ATG10: variants seen among roughly 807,000 people sequenced by gnomAD.
ATG10 encodes autophagy related 10.
ATG10 carries 30 observed loss-of-function variants against 32.1 expected under a neutral mutation model. The observed-to-expected ratio is 0.94, with a 90% CI of 0.70 to 1.27. The LOEUF is 1.27. Ranked by LOEUF, ATG10 falls within the 50% of genes most tolerant of loss-of-function variation. The pLI, the probability that ATG10 is intolerant of heterozygous loss-of-function variation, is 0.00. For synonymous variants in ATG10, 87 were observed against 91.5 expected, an observed-to-expected ratio of 0.95 and a Z score of 0.28; for missense variants, 233 against 262.3, an observed-to-expected ratio of 0.89 and a Z score of 0.77.
chr5:82,112,443 A>G (rs1765650030), intron 3 of ATG10, among the ~76,000 whole-genome samples: 1 of 151,796 alleles, frequency 6.6e-6, no homozygotes, highest in Non-Finnish European at 1.5e-5. Flanking sequence ...ATTCTGATTA[A>G]TGCATTTTAT....
Position 82,027,904 on chromosome 5 carries a change from C to A in ATG10, c.109-30591C>A, listed in dbSNP as rs111784574. Among the ~76,000 whole-genome samples, 1,390 of 152,248 alleles carry A rather than the reference C, an allele frequency of 9.1e-3. 4 individuals carry two copies. The highest frequency in any genetic ancestry group is 0.016 in the East Asian group (81 of 5,186). On this transcript the variant is annotated intron_variant, in intron 2 of 7. Transcript: ENST00000282185. The stretch of plus-strand genomic sequence containing the variant: ...AGGTGCCAAGCAAACTGCACTGGCA[C>A]CTCACTACAAAAACTCAGCAGGAAA...
intron 2 of ATG10, among the ~76,000 whole-genome samples, chr5:82,045,460 C>T (rs1445013797): frequency 6.6e-6 from 1 of 151,998 alleles, no homozygotes; most frequent in Non-Finnish European, 1.5e-5. Context: ...AGGAAGATTC[C>T]CTAAGGTGTG....
At chr5:82,069,627 C>T (rs765377986) in intron 3 of ATG10, among the ~76,000 whole-genome samples, 19 of 152,098 alleles carry the variant, frequency 1.2e-4, no homozygotes, top group Non-Finnish European at 2.1e-4. Context: ...TATCGCTTGT[C>T]TCTTGATTTT....
chr5:82,250,782 T>C (rs1287751515), intron 5 of ATG10, among the ~76,000 whole-genome samples: 2 of 152,362 alleles, frequency 1.3e-5, no homozygotes, highest in African/African-American at 2.4e-5. Flanking sequence ...TGCAGTGGTC[T>C]CTATAACTAT....
intron 3 of ATG10, among the ~76,000 whole-genome samples, chr5:82,162,469 G>A (rs377748929): frequency 6.6e-6 from 1 of 152,098 alleles, no homozygotes; most frequent in East Asian, 1.9e-4. Flanking sequence ...TTCTGAGGAT[G>A]GAATTTTTGA....
At chr5:82,122,251 C>T (rs535411566) in intron 3 of ATG10, among the ~76,000 whole-genome samples, 2 of 151,990 alleles carry the variant, frequency 1.3e-5, no homozygotes, top group African/African-American at 4.8e-5. Context: ...CTGACAAAAA[C>T]AAGCAATGGG....
intron 3 of ATG10, among the ~76,000 whole-genome samples, chr5:82,077,207 C>T (rs1468961519): frequency 6.6e-6 from 1 of 152,090 alleles, no homozygotes; most frequent in Admixed American, 6.6e-5. Context: ...CCTGTAGTCC[C>T]AGCTACACGA....
At chr5:82,120,610 A>G (rs781764353) in intron 3 of ATG10, among the ~76,000 whole-genome samples, 1 of 152,046 alleles carries the variant, frequency 6.6e-6, no homozygotes, top group Non-Finnish European at 1.5e-5. Flanking sequence ...ACTGATTTTG[A>G]TGATAGTTAA....
chr5:82,196,036 C>T (rs550757853), intron 5 of ATG10, among the ~76,000 whole-genome samples: 10 of 152,274 alleles, frequency 6.6e-5, no homozygotes, highest in African/African-American at 2.4e-4. Context: ...CCATCTTTGC[C>T]AATTCTGGTC....
intron 1 of ATG10, among the ~76,000 whole-genome samples, chr5:81,985,801 C>A (rs376115794): frequency 6.6e-6 from 1 of 152,164 alleles, no homozygotes; most frequent in African/African-American, 2.4e-5. Flanking sequence ...GTCGCTCTGT[C>A]GCCCAGGCTG....
chr5:82,195,285 C>T (rs546337354), intron 5 of ATG10, among the ~76,000 whole-genome samples: 2 of 152,176 alleles, frequency 1.3e-5, no homozygotes, highest in African/African-American at 4.8e-5. Context: ...CAGGACCTCT[C>T]TAATCATACC....
At chr5:82,054,333 T>C (rs1195358622) in intron 2 of ATG10, among the ~76,000 whole-genome samples, 1 of 152,206 alleles carries the variant, frequency 6.6e-6, no homozygotes, top group Non-Finnish European at 1.5e-5. Context: ...CTGGGGATTA[T>C]GTTTTAAATG....
chr5:82,051,012 T>TA (rs1491367928), intron 2 of ATG10, among the ~76,000 whole-genome samples: 5 of 151,856 alleles, frequency 3.3e-5, no homozygotes, highest in African/African-American at 9.7e-5. Flanking sequence ...CCCTATCTGT[T>TA]AAAAAAACAA....
intron 3 of ATG10, among the ~76,000 whole-genome samples, chr5:82,100,975 G>T (rs1765253626): frequency 6.6e-6 from 1 of 152,126 alleles, no homozygotes; most frequent in African/African-American, 2.4e-5. Context: ...GAAGGATTCT[G>T]AGTAGCTTCA....
intron 5 of ATG10, among the ~76,000 whole-genome samples, chr5:82,229,506 C>A (rs1349465616): frequency 2.6e-5 from 4 of 152,076 alleles, no homozygotes. Context: ...TCAGTGTATC[C>A]ACAATTGTAA....
chr5:82,120,113 A>G (rs1046859816), intron 3 of ATG10, among the ~76,000 whole-genome samples: 11 of 152,254 alleles, frequency 7.2e-5, no homozygotes, highest in African/African-American at 2.4e-4. Flanking sequence ...ACTTCCTTGT[A>G]AATATACTCT....
chr5:82,044,239 G>T (rs1426739203), intron 2 of ATG10, among the ~76,000 whole-genome samples: 4 of 151,950 alleles, frequency 2.6e-5, no homozygotes, highest in African/African-American at 9.7e-5. Context: ...CGAGCAAAGG[G>T]GGAAGTGCCA....
chr5:82,116,937 A>C (rs1581704710), intron 3 of ATG10, among the ~76,000 whole-genome samples: 1 of 152,080 alleles, frequency 6.6e-6, no homozygotes, highest in African/African-American at 2.4e-5. Context: ...AAAAGTATTT[A>C]AGTTTCTCAT....
chr5:82,219,140 A>G (rs1412593435), intron 5 of ATG10, among the ~76,000 whole-genome samples: 1 of 152,232 alleles, frequency 6.6e-6, no homozygotes, highest in Non-Finnish European at 1.5e-5. Flanking sequence ...TTCAAACTGG[A>G]AAAAGTATTT....
Sources: gnomAD v4.1 joint callset for allele counts (sites outside exome capture counted in the v4.1 genomes callset) on GRCh38, gnomAD v4.1.1 for gene constraint, MANE v1.5 for transcripts, NCBI Gene and HGNC (gene_info 2026-07-23, HGNC 2026-07-21) for gene names.